The following PLA2G6 variants were observed in gnomAD, a reference collection of about 807,000 sequenced individuals.
PLA2G6 encodes the protein phospholipase A2 group VI.
PLA2G6 carries 62 observed loss-of-function variants against 83.8 expected under a neutral mutation model. That is an observed-to-expected ratio of 0.74 (90% CI 0.60 to 0.91). The LOEUF is 0.91. Among genes scored for constraint, PLA2G6 ranks in the 40% least tolerant of loss-of-function variants. The probability of loss-of-function intolerance (pLI) is 0.00; values close to 1 mark genes in which losing one functional copy is unlikely to be tolerated. For missense variants in PLA2G6, 944 were observed against 1,102.0 expected, an observed-to-expected ratio of 0.86 and a Z score of 2.03; for synonymous variants, 417 against 449.8, an observed-to-expected ratio of 0.93 and a Z score of 0.92.
chr22:38,143,307 G>T lies in PLA2G6; in HGVS notation c.426-19C>A. The T allele has an allele frequency of 6.2e-7, 1 of 1,605,624 alleles. No individual in the cohort carries two copies. Among genetic ancestry groups the T allele is most frequent in the Non-Finnish European group, 8.5e-7 (1 of 1,179,286 alleles). ...GGCACAGCTGCAGGAGAGGGCCAGG[G>T]TGAGCAGAGGTGAGCAGGTGTGGTA... is the stretch of plus-strand genomic sequence containing the variant. On this transcript the variant is annotated intron_variant, in intron 3 of 16. Transcript: ENST00000332509.
intron 2 of PLA2G6, among the ~76,000 whole-genome samples, chr22:38,165,457 C>A (rs909693121): frequency 1.3e-5 from 2 of 152,202 alleles, no homozygotes; most frequent in African/African-American, 4.8e-5. Context: ...GGGGAGTATT[C>A]CAGGCCACAG....
intron 2 of PLA2G6, among the ~76,000 whole-genome samples, chr22:38,152,302 G>C (rs183099676): frequency 1.3e-5 from 2 of 152,090 alleles, no homozygotes; most frequent in Admixed American, 1.3e-4. Flanking sequence ...CTGGATTCAA[G>C]AAATTCTCCT....
chr22:38,142,289 G>A (rs7511015), intron 4 of PLA2G6: 3 of 147,524 alleles, frequency 2.0e-5, no homozygotes, highest in African/African-American at 7.5e-5. Flanking sequence ...ATGATCTTTA[G>A]AAGAATTTTC....
Position 38,140,104 on chromosome 22 carries a change from G to A in PLA2G6, c.675C>T (p.His225=), listed in dbSNP as rs768713090. 6.4e-5 allele frequency: 103 copies of A among 1,614,030 alleles called. No individual in the cohort carries two copies. Among genetic ancestry groups the A allele is most frequent in the Non-Finnish European group, 8.6e-5 (102 of 1,180,010 alleles). ...QVNNQGLTPL[H]LACQLGKQEM... ...CCTGCTTCCCCAGCTGGCAGGCCAG[G>A]TGCAGCGGGGTCAGCCCTTGGTTAT... Residue 225 remains histidine (H), a synonymous_variant, in exon 5 of 17, where the codon CAC becomes CAT. Coordinates refer to ENST00000332509, the MANE Select transcript of PLA2G6 (RefSeq NM_003560.4).
At chr22:38,134,219 A>T (rs1363107308) in intron 6 of PLA2G6, 1 of 152,976 alleles carries the variant, frequency 6.5e-6, no homozygotes, top group East Asian at 1.9e-4. Context: ...TCAGCTTGCG[A>T]TGGCCTATTG....
intron 10 of PLA2G6, chr22:38,126,071 C>T (rs2087834716): frequency 9.1e-6 from 4 of 438,186 alleles, no homozygotes; most frequent in Admixed American, 6.5e-5. Context: ...CAGGCATCTC[C>T]CCCTCTTCTA....
At position 38,129,527 on chromosome 22, in the gene PLA2G6, C is replaced by T; in HGVS notation, c.1113G>A (p.Val371=). 1 of 1,614,056 alleles carries T rather than the reference C, an allele frequency of 6.2e-7. No individual in the cohort carries two copies. The highest frequency in any genetic ancestry group is 1.1e-5 in the South Asian group (1 of 91,082). ...DNVEMIKALI[V]FGAEVDTPND... ...TCGGGGTGTCCACTTCTGCTCCGAA[C>T]ACGATGAGGGCCTTGATCATCTCCA... Residue 371 remains valine (V), a synonymous_variant, in exon 8 of 17, where the codon GTG becomes GTA. Transcript: ENST00000332509.
intron 2 of PLA2G6, chr22:38,163,545 C>T (rs1489015050): frequency 5.9e-6 from 1 of 169,618 alleles, no homozygotes; most frequent in Non-Finnish European, 1.5e-5. Flanking sequence ...CCACGGCAAC[C>T]TAAGGCAAGA....
intron 1 of PLA2G6, among the ~76,000 whole-genome samples, chr22:38,176,658 G>A (rs887301821): frequency 1.3e-5 from 2 of 152,096 alleles, no homozygotes; most frequent in Non-Finnish European, 2.9e-5. Flanking sequence ...ACCACACACC[G>A]GCCTCCGTCC....
intron 5 of PLA2G6, chr22:38,135,963 A>G (rs990793942): frequency 2.0e-5 from 3 of 152,260 alleles, no homozygotes; most frequent in Non-Finnish European, 4.4e-5. Context: ...GAAGGACTGA[A>G]TGGATAAACA....
At chr22:38,155,496 TAAAC>T (rs2089741988) in intron 2 of PLA2G6, among the ~76,000 whole-genome samples, 1 of 152,120 alleles carries the variant, frequency 6.6e-6, no homozygotes, top group African/African-American at 2.4e-5. Flanking sequence ...TTTTCAGACA[TAAAC>T]AGTACAATAA....
chr22:38,169,433 C>T lies in PLA2G6; in HGVS notation c.-7G>A, dbSNP rs1414266501. On this transcript the variant is annotated 5_prime_UTR_variant, in exon 2 of 17. Coordinates refer to ENST00000332509, the MANE Select transcript of PLA2G6 (RefSeq NM_003560.4). ...GGCGGCCAAAGAACTGCATCTTCTG[C>T]GGGGCAGGTGGGGAGGCCCCACCGT... 27 of 1,613,032 alleles carry T rather than the reference C, an allele frequency of 1.7e-5. No individual in the cohort carries two copies. The highest frequency in any genetic ancestry group is 2.1e-5 in the Non-Finnish European group (25 of 1,179,346).
intron 6 of PLA2G6, 31 bp downstream of exon 6, chr22:38,134,957 G>GCCCCCCCCCCC: frequency 1.3e-5 from 13 of 995,266 alleles, no homozygotes; most frequent in East Asian, 7.3e-5. Context: ...CCGGCCCCCT[G>GCCCCCCCCCCC]CCCCACCCAC....
intron 12 of PLA2G6, among the ~76,000 whole-genome samples, chr22:38,116,850 T>TCAAAA (rs2087228496): frequency 5.0e-5 from 1 of 19,900 alleles, no homozygotes; most frequent in Non-Finnish European, 9.9e-5. Context: ...AAACTCCGTC[T>TCAAAA]CAAAAAAAAA....
chr22:38,174,098 A>G (rs1486625207), intron 1 of PLA2G6, among the ~76,000 whole-genome samples: 1 of 151,936 alleles, frequency 6.6e-6, no homozygotes, highest in African/African-American at 2.4e-5. Flanking sequence ...ATGTCCACCA[A>G]AAAACAAAAA....
At chr22:38,148,037 T>C (rs1257156543) in intron 2 of PLA2G6, 1 of 164,614 alleles carries the variant, frequency 6.1e-6, no homozygotes, top group Admixed American at 5.8e-5. Context: ...TTTTCCTTCA[T>C]CTCACCAGCC....
chr22:38,145,017 G>A (rs1462526508), intron 3 of PLA2G6: 4 of 350,836 alleles, frequency 1.1e-5, no homozygotes, highest in South Asian at 8.6e-5. Flanking sequence ...TTTTAATCTG[G>A]TAGCAACGCA....
intron 11 of PLA2G6, among the ~76,000 whole-genome samples, chr22:38,122,227 C>T (rs934414200): frequency 7.2e-5 from 11 of 152,104 alleles, no homozygotes; most frequent in Non-Finnish European, 1.5e-4. Context: ...TCCCCGGGCA[C>T]CTCCAAGACT....
chr22:38,134,957 G>GCCCC, intron 6 of PLA2G6, 31 bp downstream of exon 6: 6 of 995,306 alleles, frequency 6.0e-6, no homozygotes, highest in African/African-American at 1.6e-5. Flanking sequence ...CCGGCCCCCT[G>GCCCC]CCCCACCCAC....
Sources: allele counts gnomAD v4.1 joint callset (sites outside exome capture counted in the v4.1 genomes callset), GRCh38; gene constraint gnomAD v4.1.1; transcripts MANE v1.5; gene names NCBI Gene and HGNC (gene_info 2026-07-23, HGNC 2026-07-21).